Variants in FLT1 observed in about 807,000 individuals in gnomAD.
FLT1 encodes fms related receptor tyrosine kinase 1, also known as vascular endothelial growth factor receptor 1.
A neutral mutation model predicts 156.3 loss-of-function variants in FLT1; 49 were observed. The observed-to-expected ratio is 0.31, with a 90% CI of 0.25 to 0.40. FLT1 has a LOEUF of 0.40. Among genes scored for constraint, FLT1 ranks in the 10% least tolerant of loss-of-function variants. FLT1 has a pLI of 1.00. For missense variants in FLT1, 1,322 were observed against 1,637.2 expected (o/e 0.81, Z 3.32); for synonymous variants, 594 against 583.8 (o/e 1.02, Z -0.25).
rs553615730 is a variant in FLT1, at chr13:28,378,118, G to C, written c.2116+6767C>G. ...GGCTGGAGTGCAGTGGCGTGATCTCGGCTCACTGCAACCTTCGCCTCCCGG... is the reference window on the plus strand; with the variant it reads ...GGCTGGAGTGCAGTGGCGTGATCTCCGCTCACTGCAACCTTCGCCTCCCGG... On this transcript the variant is annotated intron_variant, in intron 14 of 29. Transcript: ENST00000282397. Among the ~76,000 whole-genome samples the C allele has an allele frequency of 7.4e-5, 11 of 148,440 alleles. 1 individual carries two copies. Among genetic ancestry groups the C allele is most frequent in the Admixed American group, 2.1e-4 (3 of 14,614 alleles).
chr13:28,339,728 G>T (rs545574812), intron 16 of FLT1, among the ~76,000 whole-genome samples: 1 of 152,122 alleles, frequency 6.6e-6, no homozygotes, highest in African/African-American at 2.4e-5. Context: ...ACAGTGGGGC[G>T]CACTGTGGCT....
chr13:28,375,405 G>A (rs1043899346), intron 14 of FLT1, among the ~76,000 whole-genome samples: 1 of 150,496 alleles, frequency 6.6e-6, no homozygotes, highest in African/African-American at 2.5e-5. Context: ...TTTTTGCCAT[G>A]ATAGGGCTGT....
At chr13:28,466,796 G>A (rs145910279) in intron 3 of FLT1, 107 bp downstream of exon 3, 27 of 792,180 alleles carry the variant, frequency 3.4e-5, no homozygotes, top group African/African-American at 1.9e-4. Flanking sequence ...TTCCTAACCC[G>A]TTTCTTTCAT....
Position 28,393,802 on chromosome 13 carries a change from G to T in FLT1, c.1660+3158C>A, listed in dbSNP as rs185930723. On this transcript the variant is annotated intron_variant, in intron 12 of 29. Coordinates refer to ENST00000282397, the MANE Select transcript of FLT1 (RefSeq NM_002019.4). The stretch of plus-strand genomic sequence containing the variant: ...GGATTTTGCCATGTTTCCCAGGCTG[G>T]TCTCAAACTCTTGTGCTCAAGCAAT... Among the ~76,000 whole-genome samples the T allele has an allele frequency of 9.2e-5, 14 of 152,244 alleles. No homozygotes were observed. The East Asian group carries it at 2.5e-3, about 27-fold the overall frequency.
intron 1 of FLT1, among the ~76,000 whole-genome samples, chr13:28,481,783 T>C (rs1880868145): frequency 6.6e-6 from 1 of 152,236 alleles, no homozygotes; most frequent in Non-Finnish European, 1.5e-5. Flanking sequence ...TCCTGCAAAC[T>C]ATGTACACTA....
chr13:28,383,192 C>T (rs946919705), intron 14 of FLT1, among the ~76,000 whole-genome samples: 2 of 151,898 alleles, frequency 1.3e-5, no homozygotes, highest in African/African-American at 4.8e-5. Context: ...TACAGTCAGC[C>T]CACAGCGAGA....
intron 10 of FLT1, among the ~76,000 whole-genome samples, chr13:28,423,686 A>G (rs996886172): frequency 9.9e-5 from 15 of 152,276 alleles, no homozygotes; most frequent in African/African-American, 2.6e-4. Flanking sequence ...TATGAAGTGT[A>G]TATCATTATC....
intron 19 of FLT1, 100 bp from the exon 20 acceptor site, chr13:28,327,650 T>C: frequency 2.5e-6 from 2 of 795,582 alleles, no homozygotes; most frequent in South Asian, 2.8e-5. Context: ...CAACCAGCCT[T>C]TGTATTAGTG....
intron 3 of FLT1, among the ~76,000 whole-genome samples, chr13:28,449,220 G>C (rs1878786382): frequency 6.6e-6 from 1 of 152,100 alleles, no homozygotes; most frequent in South Asian, 2.1e-4. Context: ...GGAATTCAAG[G>C]CTGCAGTGTC....
In FLT1 at chr13:28,386,273, A is replaced by ATTTG. The variant is rs1289297871; in HGVS notation, c.1970-1243_1970-1242insCAAA. 4 of 1,048,988 alleles carry ATTTG rather than the reference A, an allele frequency of 3.8e-6. No individual in the cohort carries two copies. In the African/African-American group the frequency reaches 6.6e-5, roughly 17 times the overall value. The allele number at this position is 1,048,988 out of a possible 1,614,324, so 65.0% of individuals were successfully genotyped here. ...TGAGTCCTGCAGGGCAACTCTCAGG[A>ATTTG]TTAGCATTTGTTAAAGCAATTTAGA... On this transcript the variant is annotated intron_variant, in intron 13 of 29. Coordinates refer to ENST00000282397, the MANE Select transcript of FLT1 (RefSeq NM_002019.4).
At position 28,417,907 on chromosome 13, in the gene FLT1, C is replaced by A. The variant is rs565659226; in HGVS notation, c.1436+9252G>T. Among the ~76,000 whole-genome samples the A allele has an allele frequency of 1.5e-4, 23 of 152,234 alleles. No individual in the cohort carries two copies. The South Asian group carries it at 3.5e-3, about 23-fold the overall frequency. The stretch of plus-strand genomic sequence containing the variant: ...CAACTACAAACCCTCATGTTTCCTC[C>A]TTCATTTTCTTTTGACCCCTCCTTT... On this transcript the variant is annotated intron_variant, in intron 10 of 29. Transcript: ENST00000282397.
rs1593763645 is a variant in FLT1, at chr13:28,413,047, T to C, written c.1437-7153A>G. Among the ~76,000 whole-genome samples the C allele has an allele frequency of 2.0e-5, 3 of 152,030 alleles. No individual in the cohort carries two copies. In the South Asian group the frequency reaches 6.2e-4, roughly 32 times the overall value. On this transcript the variant is annotated intron_variant, in intron 10 of 29. Coordinates refer to ENST00000282397, the MANE Select transcript of FLT1 (RefSeq NM_002019.4). Reference sequence around the variant, plus strand: ...CTGGAGGAGTGACTTTCTTGTGCAGTGAGAGACCTTGTGACGCCTTGGAGC... The same window carrying C: ...CTGGAGGAGTGACTTTCTTGTGCAGCGAGAGACCTTGTGACGCCTTGGAGC...
At chr13:28,330,213 C>T (rs1182443085) in intron 18 of FLT1, among the ~76,000 whole-genome samples, 1 of 152,194 alleles carries the variant, frequency 6.6e-6, no homozygotes, top group African/African-American at 2.4e-5. Context: ...TATTTTCTCC[C>T]TGTAACCCTG....
rs774342765 is a variant in FLT1, at chr13:28,303,344, CT to C, written c.3839del (p.Lys1280ArgfsTer62). ...KIDLRVTSKSKESGLSDVSRP... is the reference protein window; with the variant it reads ...KIDLRVTSKSXESGLSDVSRP... ...TGCTGACATCAGACAGCCCCGACTC[CT>C]TACTTTTACTGGTTACTCTCAAGCT... On this transcript the variant is annotated frameshift_variant, in exon 30 of 30. Transcript: ENST00000282397. LOFTEE classifies it high-confidence loss of function. The C allele has an allele frequency of 6.2e-7, 1 of 1,614,014 alleles. No individual in the cohort carries two copies. Among genetic ancestry groups the C allele is most frequent in the Non-Finnish European group, 8.5e-7 (1 of 1,179,986 alleles).
At chr13:28,464,531 T>G (rs1879749734) in intron 3 of FLT1, among the ~76,000 whole-genome samples, 1 of 152,274 alleles carries the variant, frequency 6.6e-6, no homozygotes, top group African/African-American at 2.4e-5. Context: ...GCAATTATTA[T>G]GGATTTCCTA....
chr13:28,397,447 G>A (rs1486814076), intron 11 of FLT1, among the ~76,000 whole-genome samples: 2 of 152,198 alleles, frequency 1.3e-5, no homozygotes, highest in African/African-American at 4.8e-5. Flanking sequence ...CCTTTTGTTT[G>A]GGTGACCTGA....
At chr13:28,384,125 G>A (rs750974528) in intron 14 of FLT1, among the ~76,000 whole-genome samples, 16 of 152,106 alleles carry the variant, frequency 1.1e-4, no homozygotes, top group Non-Finnish European at 2.4e-4. Context: ...TAACATCTGC[G>A]TAGATGAATT....
At chr13:28,477,647 G>A (rs987996822) in intron 1 of FLT1, among the ~76,000 whole-genome samples, 17 of 152,120 alleles carry the variant, frequency 1.1e-4, no homozygotes, top group South Asian at 8.3e-4. Flanking sequence ...ATACAGGAAC[G>A]TTTTGTCTGT....
At chr13:28,378,800 T>C (rs965553080) in intron 14 of FLT1, among the ~76,000 whole-genome samples, 1 of 152,172 alleles carries the variant, frequency 6.6e-6, no homozygotes, top group African/African-American at 2.4e-5. Flanking sequence ...CAAAGGATAG[T>C]TGTGAAAATT....
Sources: allele counts gnomAD v4.1 joint callset (sites outside exome capture counted in the v4.1 genomes callset), GRCh38; gene constraint gnomAD v4.1.1; transcripts MANE v1.5; gene names NCBI Gene and HGNC (gene_info 2026-07-23, HGNC 2026-07-21).